CDC14A: variants seen among roughly 807,000 people sequenced by gnomAD.
The protein encoded by CDC14A is dual specificity protein phosphatase CDC14A.
A neutral mutation model predicts 74.4 loss-of-function variants in CDC14A; 53 were observed. The ratio of observed to expected loss-of-function variants is 0.71; its 90% CI spans 0.57 to 0.89. The LOEUF is 0.89. Among genes scored for constraint, CDC14A ranks in the 40% least tolerant of loss-of-function variants. The pLI, the probability that CDC14A is intolerant of heterozygous loss-of-function variation, is 0.00. For missense variants in CDC14A, 646 were observed against 713.7 expected (o/e 0.91, Z 1.08); for synonymous variants, 247 against 258.4 (o/e 0.96, Z 0.43).
Position 100,498,138 on chromosome 1 carries a change from C to G in CDC14A, c.1352C>G (p.Ala451Gly). The G allele has an allele frequency of 6.2e-7, 1 of 1,614,120 alleles. No individual in the cohort carries two copies. Among genetic ancestry groups the G allele is most frequent in the Non-Finnish European group, 8.5e-7 (1 of 1,179,936 alleles). Residue 451 changes from alanine to glycine, a missense_variant, in exon 14 of 16, where the codon GCA becomes GGA. By Grantham distance (60) the Ala-to-Gly change is moderately conservative. Transcript: ENST00000336454. ...GTTACTTTGAAGACATCAAAAATGG[C>G]ACTGTCCCCTTCAGCAACGGCCAAG... ...SAVTLKTSKM[A>G]LSPSATAKRI...
intron 2 of CDC14A, among the ~76,000 whole-genome samples, chr1:100,367,646 A>G (rs780658748): frequency 6.6e-6 from 1 of 152,190 alleles, no homozygotes; most frequent in Non-Finnish European, 1.5e-5. Flanking sequence ...ATTTGTGACA[A>G]TTCTGACTTT....
At chr1:100,411,627 T>A (rs1466000906) in intron 4 of CDC14A, among the ~76,000 whole-genome samples, 1 of 152,164 alleles carries the variant, frequency 6.6e-6, no homozygotes, top group African/African-American at 2.4e-5. Flanking sequence ...TCCCTTCTAA[T>A]AAAAACTCTT....
intron 3 of CDC14A, among the ~76,000 whole-genome samples, chr1:100,377,897 T>G (rs1486439085): frequency 6.6e-6 from 1 of 152,244 alleles, no homozygotes; most frequent in African/African-American, 2.4e-5. Flanking sequence ...TTTAGGCTGT[T>G]GTTAATGAGT....
chr1:100,461,560 T>C (rs1166105378), intron 8 of CDC14A, among the ~76,000 whole-genome samples: 1 of 152,230 alleles, frequency 6.6e-6, no homozygotes, highest in Non-Finnish European at 1.5e-5. Flanking sequence ...GCCATCAGTG[T>C]GCTGGGAACT....
intron 10 of CDC14A, among the ~76,000 whole-genome samples, chr1:100,482,000 A>G (rs887422487): frequency 2.0e-5 from 3 of 152,258 alleles, no homozygotes; most frequent in African/African-American, 7.2e-5. Flanking sequence ...GCACTTGCGT[A>G]CAGCATTGCT....
intron 4 of CDC14A, chr1:100,393,333 T>C: frequency 9.8e-7 from 1 of 1,018,014 alleles, no homozygotes; most frequent in Admixed American, 1.7e-5. Flanking sequence ...TGACATTAGT[T>C]TCAGATTCTC....
chr1:100,458,696 T>C (rs1483426012), intron 8 of CDC14A, among the ~76,000 whole-genome samples: 1 of 151,992 alleles, frequency 6.6e-6, no homozygotes, highest in Non-Finnish European at 1.5e-5. Flanking sequence ...GTAATTTTTT[T>C]TTTTTTTTGA....
chr1:100,498,878 AT>A, intron 14 of CDC14A, 50 bp from the exon 15 acceptor site: 1 of 1,560,328 alleles, frequency 6.4e-7, no homozygotes, highest in Non-Finnish European at 8.7e-7. Context: ...GCTCTGTGTG[AT>A]TGTACATTGT....
chr1:100,379,076 T>C lies in CDC14A; in HGVS notation c.216+1455T>C, dbSNP rs1464918035. Among the ~76,000 whole-genome samples the C allele has an allele frequency of 5.9e-5, 9 of 152,322 alleles. No homozygotes were observed. The East Asian group carries it at 1.5e-3, about 26-fold the overall frequency. ...GTCATTAGTATGTAGTTGGTATGAATTGGGTATTATAATTAATCTGGGAAC... is the reference window on the plus strand; with the variant it reads ...GTCATTAGTATGTAGTTGGTATGAACTGGGTATTATAATTAATCTGGGAAC... On this transcript the variant is annotated intron_variant, in intron 3 of 15. Coordinates refer to ENST00000336454, the MANE Select transcript of CDC14A (RefSeq NM_003672.4).
At chr1:100,443,929 TG>T in intron 7 of CDC14A, among the ~76,000 whole-genome samples, 2 of 152,318 alleles carry the variant, frequency 1.3e-5, no homozygotes, top group Admixed American at 1.3e-4. Context: ...ACTCATCCGT[TG>T]GGTTTCCCCA....
chr1:100,380,259 A>G (rs17122350), intron 3 of CDC14A, among the ~76,000 whole-genome samples: 35,784 of 152,086 alleles, frequency 0.24, 5,640 homozygotes, highest in African/African-American at 0.45. Flanking sequence ...CAGAAAGGGA[A>G]GCCTGGGAAA....
intron 9 of CDC14A, among the ~76,000 whole-genome samples, chr1:100,463,855 G>A (rs1460395449): frequency 6.6e-6 from 1 of 152,128 alleles, no homozygotes; most frequent in African/African-American, 2.4e-5. Flanking sequence ...GCCGCCCTGG[G>A]CTGGAGCCTC....
In CDC14A at chr1:100,439,217, C is replaced by T. The variant is rs149728855; in HGVS notation, c.390-715C>T. 1.1e-4 allele frequency among the ~76,000 whole-genome samples: 17 copies of T among 152,312 alleles called. No homozygotes were observed. In the East Asian group the frequency reaches 3.1e-3, roughly 28 times the overall value. Reference sequence around the variant, plus strand: ...TGGTGCATTAGAAGCTCTCGTGGCTCCCAGTGGCTCAGAGGAGATTGTTTG... The same window carrying T: ...TGGTGCATTAGAAGCTCTCGTGGCTTCCAGTGGCTCAGAGGAGATTGTTTG... On this transcript the variant is annotated intron_variant, in intron 5 of 15. Transcript: ENST00000336454.
chr1:100,446,316 C>G (rs184279336), intron 7 of CDC14A, among the ~76,000 whole-genome samples: 1 of 152,282 alleles, frequency 6.6e-6, no homozygotes, highest in East Asian at 1.9e-4. Flanking sequence ...GACTGTATCT[C>G]TATGTGAGAT....
At chr1:100,472,424 A>G (rs12239245) in intron 10 of CDC14A, among the ~76,000 whole-genome samples, 2,906 of 152,194 alleles carry the variant, frequency 0.019, 102 homozygotes, top group African/African-American at 0.067. Context: ...CTTGCTTTAT[A>G]GTTTTAATTT....
Position 100,508,589 on chromosome 1 carries a change from T to TA in CDC14A, c.1755+9329dup, listed in dbSNP as rs1262015727. Among the ~76,000 whole-genome samples, 1 of 152,152 alleles carries TA rather than the reference T, an allele frequency of 6.6e-6. No homozygotes were observed. The highest frequency in any genetic ancestry group is 1.5e-5 in the Non-Finnish European group (1 of 68,016). ...GGCCTTTCAGTCTAGAAACAGACCTTAATGACCCAGGCTTCCATCTCTTGG... is the reference window on the plus strand; with the variant it reads ...GGCCTTTCAGTCTAGAAACAGACCTTAAATGACCCAGGCTTCCATCTCTTGG... On this transcript the variant is annotated intron_variant, in intron 15 of 15. Transcript: ENST00000336454. The surrounding 1 kb of genome is among the most constrained non-coding windows in gnomAD (Gnocchi z 4.4).
intron 4 of CDC14A, among the ~76,000 whole-genome samples, chr1:100,412,729 ATATATATATTT>A (rs1216829664): frequency 1.3e-4 from 14 of 109,038 alleles, no homozygotes; most frequent in African/African-American, 5.6e-4. Context: ...TATATTTTAT[ATATATATATTT>A]TATATATATA....
At chr1:100,377,425 G>T in intron 2 of CDC14A, 121 bp from the exon 3 acceptor site, 8 of 692,326 alleles carry the variant, frequency 1.2e-5, no homozygotes, top group Non-Finnish European at 1.5e-5. Flanking sequence ...CCATGGATCA[G>T]ATTAGTTATA....
At chr1:100,393,600 A>T in intron 4 of CDC14A, 1 of 691,330 alleles carries the variant, frequency 1.4e-6, no homozygotes, top group Non-Finnish European at 2.7e-6. Context: ...TTACTTCTCC[A>T]CCAGCACTGC....
Sources: gnomAD v4.1 joint callset for allele counts (sites outside exome capture counted in the v4.1 genomes callset) on GRCh38, gnomAD v4.1.1 for gene constraint, Gnocchi (gnomAD v3.1) non-coding constraint, MANE v1.5 for transcripts, NCBI Gene and HGNC (gene_info 2026-07-23, HGNC 2026-07-21) for gene names.